Variants in PPARGC1A observed in about 807,000 individuals in gnomAD.
The protein encoded by PPARGC1A is PPARG coactivator 1 alpha.
In PPARGC1A, 25 loss-of-function variants were observed where a neutral mutation model predicts 88.7. That is an observed-to-expected ratio of 0.28 (90% CI 0.21 to 0.39). The LOEUF is 0.39. PPARGC1A is among the 10% of genes least tolerant of loss of function. The pLI is 1.00. For synonymous variants in PPARGC1A, 363 were observed against 355.6 expected, an observed-to-expected ratio of 1.02 and a Z score of -0.24; for missense variants, 880 against 968.7, an observed-to-expected ratio of 0.91 and a Z score of 1.22.
the PPARGC1A span, among the ~76,000 whole-genome samples, chr4:23,923,807 T>G: frequency 1.3e-5 from 2 of 152,246 alleles, no homozygotes; most frequent in African/African-American, 4.8e-5. Context: ...TTGAAATCAT[T>G]TTCCAACTTC....
At chr4:23,910,398 AT>A in the PPARGC1A span, among the ~76,000 whole-genome samples, 1 of 113,480 alleles carries the variant, frequency 8.8e-6, no homozygotes, top group African/African-American at 3.4e-5. Flanking sequence ...TATATATTAT[AT>A]ATATATTAAC....
rs936685497 is a variant in PPARGC1A at position 23,794,801 on chromosome 4, T to G, written c.*1021A>C. 6.6e-6 allele frequency: 1 copy of G among 152,504 alleles called. No homozygotes were observed. The highest frequency in any genetic ancestry group is 1.5e-5 in the Non-Finnish European group (1 of 68,012). The allele number at this position is 152,504 out of a possible 1,614,324, so 9.4% of individuals were successfully genotyped here. A position where few individuals can be genotyped will look rare whatever the true frequency, so the allele number is the denominator to read the frequency against. ...ACTATCTGAACACATCTCAGAGAGTTCTACCCAACTCTCATTAGTAATGTA... is the reference window on the plus strand; with the variant it reads ...ACTATCTGAACACATCTCAGAGAGTGCTACCCAACTCTCATTAGTAATGTA... On this transcript the variant is annotated 3_prime_UTR_variant, in exon 13 of 13. Coordinates refer to ENST00000264867, the MANE Select transcript of PPARGC1A (RefSeq NM_013261.5).
At chr4:24,327,751 A>C in the PPARGC1A span, among the ~76,000 whole-genome samples, 1 of 151,870 alleles carries the variant, frequency 6.6e-6, no homozygotes. Flanking sequence ...TACCACCCCC[A>C]AAAATTTTTG....
chr4:23,829,680 T>G, intron 3 of PPARGC1A, 95 bp from the exon 4 acceptor site: 2 of 1,196,326 alleles, frequency 1.7e-6, no homozygotes, highest in Non-Finnish European at 2.3e-6. Flanking sequence ...TAATTTATTA[T>G]AATTATAAAA....
the PPARGC1A span, among the ~76,000 whole-genome samples, chr4:24,314,533 T>C: frequency 1.3e-5 from 2 of 152,190 alleles, no homozygotes; most frequent in East Asian, 3.8e-4. Flanking sequence ...GAGCAACTCC[T>C]ATTGTTTACA....
chr4:24,180,744 C>A, the PPARGC1A span, among the ~76,000 whole-genome samples: 1 of 152,134 alleles, frequency 6.6e-6, no homozygotes, highest in Admixed American at 6.5e-5. Context: ...GACTTTGAGG[C>A]TGTGAAACTC....
the PPARGC1A span, among the ~76,000 whole-genome samples, chr4:24,364,028 G>A: frequency 4.6e-5 from 7 of 152,096 alleles, no homozygotes; most frequent in Non-Finnish European, 1.0e-4. Context: ...AACCTGACTA[G>A]GCTAAAGATT....
chr4:24,021,440 C>A, the PPARGC1A span, among the ~76,000 whole-genome samples: 1 of 152,166 alleles, frequency 6.6e-6, no homozygotes, highest in Admixed American at 6.5e-5. Flanking sequence ...AGAGCTGATT[C>A]TCAGCCAGGT....
At chr4:23,906,795 T>C (rs1164724524), upstream of PPARGC1A, among the ~76,000 whole-genome samples, 2 of 151,968 alleles carry the variant, frequency 1.3e-5, no homozygotes, top group East Asian at 3.9e-4. Flanking sequence ...TGTAGTCAAA[T>C]ATGAAAAGGG....
the PPARGC1A span, among the ~76,000 whole-genome samples, chr4:24,146,585 C>A: frequency 1.3e-5 from 2 of 152,212 alleles, no homozygotes; most frequent in Non-Finnish European, 2.9e-5. Context: ...TATTAAAGAT[C>A]CAATCTGCAT....
the PPARGC1A span, among the ~76,000 whole-genome samples, chr4:24,259,820 T>C: frequency 6.6e-6 from 1 of 152,178 alleles, no homozygotes; most frequent in Non-Finnish European, 1.5e-5. Context: ...TAAATGAATT[T>C]CAATACTGAA....
chr4:23,905,040 C>T (rs537699319), upstream of PPARGC1A, among the ~76,000 whole-genome samples: 4 of 152,298 alleles, frequency 2.6e-5, no homozygotes, highest in South Asian at 4.1e-4. Context: ...CAGTAAGTGG[C>T]ATGAAAGGAG....
At chr4:23,858,445 G>A (rs1730600280) in intron 2 of PPARGC1A, among the ~76,000 whole-genome samples, 1 of 152,194 alleles carries the variant, frequency 6.6e-6, no homozygotes, top group Non-Finnish European at 1.5e-5. Context: ...GTCAGTGGTA[G>A]AGCTAAGATT....
the PPARGC1A span, among the ~76,000 whole-genome samples, chr4:23,927,394 C>G: frequency 6.6e-6 from 1 of 152,072 alleles, no homozygotes; most frequent in Non-Finnish European, 1.5e-5. Context: ...AAAATAAAAG[C>G]CTCCTATATA....
At chr4:24,017,241 A>G in the PPARGC1A span, among the ~76,000 whole-genome samples, 1 of 152,210 alleles carries the variant, frequency 6.6e-6, no homozygotes, top group Non-Finnish European at 1.5e-5. Flanking sequence ...TTTAGGCAGT[A>G]TTTGGATCAA....
the PPARGC1A span, among the ~76,000 whole-genome samples, chr4:24,225,703 A>T: frequency 2.0e-5 from 3 of 152,064 alleles, no homozygotes; most frequent in Non-Finnish European, 4.4e-5. Flanking sequence ...GGTCTGAACA[A>T]ATGGAAAATG....
the PPARGC1A span, among the ~76,000 whole-genome samples, chr4:24,221,199 G>C: frequency 6.6e-6 from 1 of 152,150 alleles, no homozygotes; most frequent in Non-Finnish European, 1.5e-5. Flanking sequence ...TCCCTCCGAA[G>C]AGTTCTGAGT....
chr4:24,348,660 ATT>A, the PPARGC1A span, among the ~76,000 whole-genome samples: 1 of 151,974 alleles, frequency 6.6e-6, no homozygotes, highest in Non-Finnish European at 1.5e-5. Context: ...TGAATTTTTC[ATT>A]GTTTTTTTCT....
chr4:24,053,163 G>A, the PPARGC1A span, among the ~76,000 whole-genome samples: 9 of 151,566 alleles, frequency 5.9e-5, no homozygotes, highest in East Asian at 1.9e-4. Flanking sequence ...GAGCCACTGC[G>A]CCTGGCCCAG....
Sources: allele counts gnomAD v4.1 joint callset (sites outside exome capture counted in the v4.1 genomes callset), GRCh38; gene constraint gnomAD v4.1.1; transcripts MANE v1.5; gene names NCBI Gene and HGNC (gene_info 2026-07-23, HGNC 2026-07-21).